Variants in COG5 observed in about 807,000 individuals in gnomAD.
COG5 encodes the protein component of oligomeric golgi complex 5, also known as conserved oligomeric Golgi complex subunit 5.
COG5 carries 86 observed loss-of-function variants against 110.4 expected under a neutral mutation model. That is an observed-to-expected ratio of 0.78 (90% CI 0.65 to 0.93). COG5 has a LOEUF of 0.93. Among genes scored for constraint, COG5 ranks in the 40% least tolerant of loss-of-function variants. The pLI, the probability that COG5 is intolerant of heterozygous loss-of-function variation, is 0.00. For missense variants in COG5, 1,077 were observed against 987.0 expected, an observed-to-expected ratio of 1.09 and a Z score of -1.22; for synonymous variants, 360 against 334.6, an observed-to-expected ratio of 1.08 and a Z score of -0.83.
intron 7 of COG5, among the ~76,000 whole-genome samples, chr7:107,383,767 C>T (rs184734710): frequency 1.3e-5 from 2 of 152,278 alleles, no homozygotes; most frequent in East Asian, 1.9e-4. Flanking sequence ...TCTGAACCCC[C>T]GGGAAGCCAT....
intron 17 of COG5, among the ~76,000 whole-genome samples, chr7:107,245,247 A>G (rs1451206911): frequency 1.3e-5 from 2 of 152,220 alleles, no homozygotes; most frequent in Non-Finnish European, 2.9e-5. Context: ...ACAAATCCAC[A>G]GCCAACATTA....
chr7:107,540,000 T>C (rs1197040995), intron 5 of COG5, among the ~76,000 whole-genome samples: 1 of 152,096 alleles, frequency 6.6e-6, no homozygotes, highest in Non-Finnish European at 1.5e-5. Context: ...AAACAGAGCA[T>C]GACAGTCTCT....
At chr7:107,218,780 G>A (rs1799698358) in intron 19 of COG5, among the ~76,000 whole-genome samples, 1 of 151,958 alleles carries the variant, frequency 6.6e-6, no homozygotes. Flanking sequence ...AACATAGGGG[G>A]AAACTTCCAT....
At chr7:107,413,344 C>A in intron 6 of COG5, among the ~76,000 whole-genome samples, 1 of 152,048 alleles carries the variant, frequency 6.6e-6, no homozygotes, top group East Asian at 1.9e-4. Flanking sequence ...CCACCACCAG[C>A]TTCCACCTCC....
chr7:107,407,482 G>A (rs867116011), intron 7 of COG5, among the ~76,000 whole-genome samples: 6 of 152,038 alleles, frequency 3.9e-5, no homozygotes, highest in Non-Finnish European at 7.4e-5. Flanking sequence ...CAAAGAATGG[G>A]AAAACAGAGA....
At chr7:107,213,741 A>T (rs1480888761) in intron 19 of COG5, among the ~76,000 whole-genome samples, 1 of 152,194 alleles carries the variant, frequency 6.6e-6, no homozygotes, top group Admixed American at 6.5e-5. Context: ...CTCATCCAGA[A>T]TCACAGGCTA....
At chr7:107,250,708 T>C (rs1802438367) in intron 16 of COG5, among the ~76,000 whole-genome samples, 2 of 152,058 alleles carry the variant, frequency 1.3e-5, no homozygotes, top group South Asian at 4.1e-4. Context: ...AAAAGTTATA[T>C]TTAAACTTAA....
intron 14 of COG5, among the ~76,000 whole-genome samples, chr7:107,276,838 G>C (rs1221906261): frequency 3.9e-5 from 6 of 152,074 alleles, no homozygotes. Context: ...AAAATTCTTA[G>C]TAAATTAATT....
intron 14 of COG5, among the ~76,000 whole-genome samples, chr7:107,260,265 C>T (rs1803229807): frequency 6.6e-6 from 1 of 151,992 alleles, no homozygotes; most frequent in Non-Finnish European, 1.5e-5. Flanking sequence ...AGTTCTGATA[C>T]ATACTACAAC....
At chr7:107,408,251 T>C (rs1482114476) in intron 7 of COG5, among the ~76,000 whole-genome samples, 1 of 152,214 alleles carries the variant, frequency 6.6e-6, no homozygotes, top group African/African-American at 2.4e-5. Flanking sequence ...AGTTCAGTAG[T>C]TATAACTGAA....
intron 6 of COG5, among the ~76,000 whole-genome samples, chr7:107,510,259 T>A (rs1256036667): frequency 6.6e-6 from 1 of 151,906 alleles, no homozygotes; most frequent in Non-Finnish European, 1.5e-5. Flanking sequence ...TAGTCTCTGA[T>A]AAAACAGACT....
intron 3 of COG5, among the ~76,000 whole-genome samples, chr7:107,550,763 T>C (rs1480164025): frequency 6.6e-6 from 1 of 152,196 alleles, no homozygotes; most frequent in African/African-American, 2.4e-5. Context: ...TGGGGTGCAC[T>C]GGCATGATCT....
chr7:107,380,089 A>G (rs932925968), intron 7 of COG5, among the ~76,000 whole-genome samples: 8 of 152,220 alleles, frequency 5.3e-5, no homozygotes, highest in African/African-American at 9.6e-5. Flanking sequence ...ACCACAGCGC[A>G]ATCAAATTAG....
In COG5 at chr7:107,309,703, T is replaced by C. The variant is rs575097338; in HGVS notation, c.1109-11357A>G. Among the ~76,000 whole-genome samples, 5 of 152,346 alleles carry C rather than the reference T, an allele frequency of 3.3e-5. No homozygotes were observed. In the East Asian group the frequency reaches 5.8e-4, roughly 18 times the overall value. ...AAATGAAAGAGTTGGCTTTGTGTGG[T>C]TGTGTCACACATCTACATTCACTTA... On this transcript the variant is annotated intron_variant, in intron 11 of 21. Transcript: ENST00000297135.
rs114535031 is a variant in COG5 at position 107,252,161 on chromosome 7, T to C, written c.1750-3662A>G. Among the ~76,000 whole-genome samples the C allele has an allele frequency of 1.2e-3, 187 of 152,172 alleles. 2 individuals carry two copies. Among genetic ancestry groups the C allele is most frequent in the African/African-American group, 4.3e-3 (178 of 41,520 alleles). On this transcript the variant is annotated intron_variant, in intron 16 of 21. Coordinates refer to ENST00000297135, the MANE Select transcript of COG5 (RefSeq NM_006348.5). ...CCTTGAGCCCAGAAGTTCAAGGCTG[T>C]AGCACGCCATAATCGTGCCAGTGAA...
chr7:107,488,127 T>C (rs185043348), intron 6 of COG5, among the ~76,000 whole-genome samples: 3 of 152,078 alleles, frequency 2.0e-5, no homozygotes, highest in Non-Finnish European at 4.4e-5. Flanking sequence ...TTTAAAAATA[T>C]ACAAAATTGA....
chr7:107,343,098 T>G (rs911156866), intron 10 of COG5, among the ~76,000 whole-genome samples: 2 of 152,170 alleles, frequency 1.3e-5, no homozygotes, highest in South Asian at 4.1e-4. Flanking sequence ...GCCATTATCC[T>G]AAGCAAATTA....
intron 10 of COG5, among the ~76,000 whole-genome samples, chr7:107,341,017 A>C (rs1811129484): frequency 6.6e-6 from 1 of 152,196 alleles, no homozygotes; most frequent in Non-Finnish European, 1.5e-5. Flanking sequence ...TAGTAGTTGA[A>C]GTGCTAGCCA....
At chr7:107,371,752 GA>G (rs575755931) in intron 8 of COG5, among the ~76,000 whole-genome samples, 1 of 152,162 alleles carries the variant, frequency 6.6e-6, no homozygotes, top group Non-Finnish European at 1.5e-5. Context: ...TGAAGGGAAA[GA>G]GATGCAAAGA....
Sources: allele counts gnomAD v4.1 joint callset (sites outside exome capture counted in the v4.1 genomes callset), GRCh38; gene constraint gnomAD v4.1.1; transcripts MANE v1.5; gene names NCBI Gene and HGNC (gene_info 2026-07-23, HGNC 2026-07-21).